MBP: variants seen among roughly 807,000 people sequenced by gnomAD.
MBP encodes the protein myelin basic protein.
A neutral mutation model predicts 35.8 loss-of-function variants in MBP; 16 were observed. That is an observed-to-expected ratio of 0.45 (90% CI 0.30 to 0.68). The LOEUF (loss-of-function observed/expected upper bound fraction) is 0.68, where lower values mean the gene tolerates loss of function less well. Among genes scored for constraint, MBP ranks in the 30% least tolerant of loss-of-function variants. The pLI, the probability that MBP is intolerant of heterozygous loss-of-function variation, is 0.08. For missense variants in MBP, 380 were observed against 404.7 expected (o/e 0.94, Z 0.52); for synonymous variants, 143 against 159.6 (o/e 0.90, Z 0.78).
chr18:77,075,526 G>T (rs191516116), intron 2 of MBP, among the ~76,000 whole-genome samples: 79 of 152,318 alleles, frequency 5.2e-4, no homozygotes, highest in Non-Finnish European at 7.6e-4. Flanking sequence ...CTCCCAGGGT[G>T]GGGGAGAGGA....
At chr18:77,090,227 C>T (rs1441193798) in intron 2 of MBP, among the ~76,000 whole-genome samples, 1 of 152,180 alleles carries the variant, frequency 6.6e-6, no homozygotes, top group Non-Finnish European at 1.5e-5. Context: ...ACGTGCTTTC[C>T]TCCTTTTCAA....
chr18:77,085,684 T>A (rs1189394545), intron 2 of MBP, among the ~76,000 whole-genome samples: 2 of 22,972 alleles, frequency 8.7e-5, no homozygotes, highest in African/African-American at 2.0e-4. Flanking sequence ...GTGCAATAAG[T>A]TTTTTTTTTT....
intron 2 of MBP, among the ~76,000 whole-genome samples, chr18:77,100,511 GTGT>G (rs1975957549): frequency 2.3e-4 from 12 of 52,328 alleles, no homozygotes; most frequent in African/African-American, 1.4e-3. Context: ...AATTTGGGGT[GTGT>G]GTGTGTGTGT....
At chr18:77,041,728 T>G (rs1973004534) in intron 3 of MBP, among the ~76,000 whole-genome samples, 1 of 129,046 alleles carries the variant, frequency 7.7e-6, no homozygotes, top group Non-Finnish European at 1.5e-5. Context: ...AATTGAACAA[T>G]GAGAACACAT....
upstream of MBP, chr18:77,132,899 G>T (rs917132731): frequency 2.6e-5 from 4 of 151,878 alleles, no homozygotes; most frequent in African/African-American, 9.7e-5. Context: ...CCACCTGGAC[G>T]CGGCCGCCGG....
chr18:77,066,677 T>C (rs992308878), intron 2 of MBP: 2 of 605,110 alleles, frequency 3.3e-6, no homozygotes, highest in African/African-American at 1.8e-5. Flanking sequence ...CTACATGCCA[T>C]CCCATTTATT....
intron 1 of MBP, chr18:77,127,555 C>T (rs1056621143): frequency 2.6e-5 from 4 of 152,014 alleles, no homozygotes; most frequent in Non-Finnish European, 5.9e-5. Flanking sequence ...TTGAATTCAA[C>T]AAAATGTAAA....
chr18:77,096,118 C>T (rs972357385), intron 2 of MBP, among the ~76,000 whole-genome samples: 10 of 152,290 alleles, frequency 6.6e-5, no homozygotes, highest in South Asian at 2.1e-4. Flanking sequence ...AAGGAATGGC[C>T]GTGAGAAAAT....
chr18:77,062,231 C>T (rs2074384052), intron 3 of MBP, among the ~76,000 whole-genome samples: 1 of 152,238 alleles, frequency 6.6e-6, no homozygotes, highest in Non-Finnish European at 1.5e-5. Context: ...AATTGCCTGC[C>T]TTTAGTTTAG....
At chr18:77,009,583 G>A (rs1024234656) in intron 4 of MBP, among the ~76,000 whole-genome samples, 4 of 152,242 alleles carry the variant, frequency 2.6e-5, no homozygotes, top group South Asian at 2.1e-4. Flanking sequence ...ATCATCCTGA[G>A]CTGACAGCCA....
At chr18:77,068,944 T>C in intron 2 of MBP, 1 of 461,816 alleles carries the variant, frequency 2.2e-6, no homozygotes, top group South Asian at 1.5e-5. Context: ...AGCTGAGCCT[T>C]GGGGGCCTCA....
chr18:77,002,183 T>C (rs1425600051), intron 4 of MBP, among the ~76,000 whole-genome samples: 1 of 152,106 alleles, frequency 6.6e-6, no homozygotes, highest in Non-Finnish European at 1.5e-5. Context: ...CCTGGAATGG[T>C]GCGTTCTCAT....
At chr18:77,011,450 G>A (rs1437017836) in intron 4 of MBP, among the ~76,000 whole-genome samples, 3 of 152,296 alleles carry the variant, frequency 2.0e-5, no homozygotes, top group Non-Finnish European at 2.9e-5. Flanking sequence ...ATCACTGTGA[G>A]GCATGTTCTC....
chr18:77,079,277 T>C (rs1457505375), intron 2 of MBP, among the ~76,000 whole-genome samples: 2 of 152,190 alleles, frequency 1.3e-5, no homozygotes, highest in East Asian at 3.9e-4. Flanking sequence ...TTAACCCTGA[T>C]GGGCAGATGG....
intron 2 of MBP, among the ~76,000 whole-genome samples, chr18:77,100,842 C>A (rs886868676): frequency 6.6e-6 from 1 of 151,990 alleles, no homozygotes; most frequent in Non-Finnish European, 1.5e-5. Context: ...TGTGGGCCAC[C>A]GCACCTGGCC....
At chr18:77,073,407 T>C (rs1342436913) in intron 2 of MBP, among the ~76,000 whole-genome samples, 1 of 152,188 alleles carries the variant, frequency 6.6e-6, no homozygotes, top group Non-Finnish European at 1.5e-5. Flanking sequence ...GGTGGGTTAT[T>C]ATTCACAGCA....
chr18:77,016,715 G>A, intron 4 of MBP, 117 bp downstream of exon 4: 6 of 1,482,774 alleles, frequency 4.0e-6, no homozygotes, highest in Non-Finnish European at 5.4e-6. Context: ...CACGGAACGA[G>A]ACCTTAGACA....
intron 3 of MBP, among the ~76,000 whole-genome samples, chr18:77,045,765 C>T (rs901374783): frequency 3.9e-5 from 6 of 152,134 alleles, no homozygotes; most frequent in African/African-American, 4.8e-5. Context: ...GAAACAGCAC[C>T]GATTAACAGT....
chr18:77,085,563 C>T (rs1324254372), intron 2 of MBP, among the ~76,000 whole-genome samples: 1 of 152,106 alleles, frequency 6.6e-6, no homozygotes, highest in East Asian at 1.9e-4. Flanking sequence ...CCACGTGTCA[C>T]CATTATGTTT....
Sources: gnomAD v4.1 joint callset for allele counts (sites outside exome capture counted in the v4.1 genomes callset) on GRCh38, gnomAD v4.1.1 for gene constraint, MANE v1.5 for transcripts, NCBI Gene and HGNC (gene_info 2026-07-23, HGNC 2026-07-21) for gene names.